NAALADL2: variants seen among roughly 807,000 people sequenced by gnomAD.
The protein encoded by NAALADL2 is inactive N-acetylated-alpha-linked acidic dipeptidase-like protein 2.
A neutral mutation model predicts 87.2 loss-of-function variants in NAALADL2; 76 were observed. The observed-to-expected ratio is 0.87, with a 90% CI of 0.72 to 1.05. The LOEUF is 1.05. Among genes scored for constraint, NAALADL2 ranks in the 50% least tolerant of loss-of-function variants. NAALADL2 has a pLI of 0.00. For missense variants in NAALADL2, 1,089 were observed against 945.8 expected (o/e 1.15, Z -1.99); for synonymous variants, 354 against 331.0 (o/e 1.07, Z -0.75).
intron 11 of NAALADL2, among the ~76,000 whole-genome samples, chr3:175,656,023 C>T (rs1488525146): frequency 6.6e-6 from 1 of 152,216 alleles, no homozygotes; most frequent in Non-Finnish European, 1.5e-5. Context: ...ACAGAGTTTT[C>T]AAGTGGCTTA....
In NAALADL2 at chr3:175,097,151, A is replaced by C. The variant is rs746409613; in HGVS notation, c.405A>C (p.Leu135Phe). The C allele has an allele frequency of 3.1e-6, 5 of 1,613,656 alleles. No homozygotes were observed. In the East Asian group the frequency reaches 1.1e-4, roughly 36 times the overall value. Reference protein sequence around the residue: ...VLKILCTATILFIFGILIGYY... With the variant: ...VLKILCTATIFFIFGILIGYY... ...AAATACTTTGCACAGCCACCATTTT[A>C]TTTATTTTTGGGATTTTGATAGGTT... Residue 135 changes from leucine to phenylalanine, a missense_variant, in exon 2 of 14, where the codon TTA (leucine) becomes TTC (phenylalanine). By Grantham distance (22) the Leu-to-Phe change is conservative. Coordinates refer to ENST00000454872, the MANE Select transcript of NAALADL2 (RefSeq NM_207015.3).
chr3:174,895,417 T>C (rs1731390997), intron 1 of NAALADL2, among the ~76,000 whole-genome samples: 2 of 151,988 alleles, frequency 1.3e-5, no homozygotes, highest in Admixed American at 1.3e-4. Flanking sequence ...GCCAATAAAT[T>C]GGAAAATCTA....
intron 5 of NAALADL2, among the ~76,000 whole-genome samples, chr3:175,355,995 T>C (rs1764315023): frequency 6.6e-6 from 1 of 152,084 alleles, no homozygotes; most frequent in South Asian, 2.1e-4. Flanking sequence ...TTGAGGGTAC[T>C]GAGAACAACC....
chr3:174,570,770 A>G (rs992117783), intron 2 of NAALADL2, among the ~76,000 whole-genome samples: 3 of 152,134 alleles, frequency 2.0e-5, no homozygotes, highest in Admixed American at 6.5e-5. Context: ...TTCCATCCTA[A>G]CTAGCATTGT....
Position 175,096,779 on chromosome 3 carries a change from T to C in NAALADL2, c.44-11T>C. ...TTATTTTATTAAAATATATTTTTCT[T>C]ATTTTCACAGGTAAAAAGATGGCCT... On this transcript the variant is annotated splice_polypyrimidine_tract_variant and intron_variant, in intron 1 of 13. Coordinates refer to ENST00000454872, the MANE Select transcript of NAALADL2 (RefSeq NM_207015.3). 2.8e-6 allele frequency: 4 copies of C among 1,439,532 alleles called. No homozygotes were observed. In the Admixed American group the frequency reaches 1.2e-4, roughly 42 times the overall value. The allele number at this position is 1,439,532 out of a possible 1,614,324, so 89.2% of individuals were successfully genotyped here.
chr3:175,770,985 C>A (rs934339163), intron 13 of NAALADL2, among the ~76,000 whole-genome samples: 5 of 152,126 alleles, frequency 3.3e-5, no homozygotes, highest in Non-Finnish European at 5.9e-5. Flanking sequence ...ATAATGCCAT[C>A]TTTTTTCCTG....
At chr3:175,367,126 C>A (rs932694683) in intron 5 of NAALADL2, among the ~76,000 whole-genome samples, 1 of 150,892 alleles carries the variant, frequency 6.6e-6, no homozygotes, top group Non-Finnish European at 1.5e-5. Flanking sequence ...AATCCTTTCC[C>A]CATTGCTTGT....
chr3:174,725,903 A>G (rs1484917786), intron 2 of NAALADL2, among the ~76,000 whole-genome samples: 8 of 152,206 alleles, frequency 5.3e-5, no homozygotes, highest in Admixed American at 1.3e-4. Flanking sequence ...GCTTCTCTTT[A>G]GACACATTTC....
At chr3:175,416,887 T>C (rs911211760) in intron 5 of NAALADL2, among the ~76,000 whole-genome samples, 4 of 151,936 alleles carry the variant, frequency 2.6e-5, no homozygotes, top group African/African-American at 4.8e-5. Context: ...CAAATAAATA[T>C]ATGATGCTGA....
chr3:174,736,752 G>C (rs1051535558), intron 2 of NAALADL2, among the ~76,000 whole-genome samples: 29 of 152,152 alleles, frequency 1.9e-4, no homozygotes, highest in Non-Finnish European at 1.5e-5. Flanking sequence ...TGGCTTGAAG[G>C]TGCAGTTTTA....
intron 1 of NAALADL2, among the ~76,000 whole-genome samples, chr3:175,011,945 G>A (rs1435377070): frequency 2.6e-5 from 4 of 152,044 alleles, no homozygotes; most frequent in East Asian, 1.9e-4. Flanking sequence ...AAAAGCTATC[G>A]CCATTACAGT....
chr3:175,086,543 C>T (rs1461339508), intron 1 of NAALADL2, among the ~76,000 whole-genome samples: 2 of 152,042 alleles, frequency 1.3e-5, no homozygotes, highest in Non-Finnish European at 2.9e-5. Context: ...AATGACTTTT[C>T]AAAGATGTCA....
At position 174,602,908 on chromosome 3, in the gene NAALADL2, G is replaced by T. The variant is rs577927868; in HGVS notation, c.-115+52271G>T. On this transcript the variant is annotated intron_variant, in intron 2 of 3. Transcript: ENST00000434257. ...TCATATGGTTTTTATTCTTCATTCT[G>T]TTGATGTAATGTATCACCCTGATTG... 3.9e-5 allele frequency among the ~76,000 whole-genome samples: 6 copies of T among 151,996 alleles called. No homozygotes were observed. In the South Asian group the frequency reaches 6.2e-4, roughly 16 times the overall value.
chr3:175,578,533 T>C (rs1053190980), intron 10 of NAALADL2, among the ~76,000 whole-genome samples: 9 of 152,210 alleles, frequency 5.9e-5, no homozygotes, highest in African/African-American at 2.2e-4. Context: ...ATACCCCTTA[T>C]ATCATTTATT....
intron 2 of NAALADL2, among the ~76,000 whole-genome samples, chr3:174,642,669 T>G (rs756921883): frequency 2.0e-5 from 3 of 149,158 alleles, no homozygotes; most frequent in Non-Finnish European, 4.5e-5. Context: ...CCTCTTGCAG[T>G]CTTGGTTGCT....
intron 5 of NAALADL2, among the ~76,000 whole-genome samples, chr3:175,365,294 AAAAT>A (rs1266537789): frequency 6.8e-6 from 1 of 147,552 alleles, no homozygotes; most frequent in African/African-American, 2.5e-5. Context: ...ATATTAATAT[AAAAT>A]AAATATTGAC....
chr3:175,502,120 A>G (rs1729626407), intron 9 of NAALADL2, among the ~76,000 whole-genome samples: 1 of 152,142 alleles, frequency 6.6e-6, no homozygotes, highest in African/African-American at 2.4e-5. Context: ...GGGAGAATAA[A>G]GTGGTCATAA....
chr3:174,608,930 C>A (rs922330001), intron 2 of NAALADL2, among the ~76,000 whole-genome samples: 3 of 151,838 alleles, frequency 2.0e-5, no homozygotes, highest in South Asian at 2.1e-4. Flanking sequence ...TACTGGCAAA[C>A]CAAATCCAGC....
In NAALADL2 at chr3:175,521,445, G is replaced by A. The variant is rs1390219062; in HGVS notation, c.1653+49687G>A. On this transcript the variant is annotated intron_variant, in intron 9 of 13. Coordinates refer to ENST00000454872, the MANE Select transcript of NAALADL2 (RefSeq NM_207015.3). ...TGAATAAGCACAATATTCTGCTTTCGATGCTAAGTGGTTAAGTATCTATAG... is the reference window on the plus strand; with the variant it reads ...TGAATAAGCACAATATTCTGCTTTCAATGCTAAGTGGTTAAGTATCTATAG... Among the ~76,000 whole-genome samples the A allele has an allele frequency of 5.3e-5, 8 of 151,608 alleles. No homozygotes were observed. In the East Asian group the frequency reaches 9.7e-4, roughly 18 times the overall value.
Sources: gnomAD v4.1 joint callset for allele counts (sites outside exome capture counted in the v4.1 genomes callset) on GRCh38, gnomAD v4.1.1 for gene constraint, MANE v1.5 for transcripts, NCBI Gene and HGNC (gene_info 2026-07-23, HGNC 2026-07-21) for gene names.